MARCHF8: variants seen among roughly 807,000 people sequenced by gnomAD.
The protein encoded by MARCHF8 is E3 ubiquitin-protein ligase MARCHF8.
A neutral mutation model predicts 51.6 loss-of-function variants in MARCHF8; 40 were observed. The ratio of observed to expected loss-of-function variants is 0.77; its 90% CI spans 0.60 to 1.01. The LOEUF (loss-of-function observed/expected upper bound fraction) is 1.01, where lower values mean the gene tolerates loss of function less well. Ranked by LOEUF, MARCHF8 falls within the 50% of genes least tolerant of loss-of-function variation. The probability of loss-of-function intolerance (pLI) is 0.00; values close to 1 mark genes in which losing one functional copy is unlikely to be tolerated. For synonymous variants in MARCHF8, 263 were observed against 280.3 expected, an observed-to-expected ratio of 0.94 and a Z score of 0.62; for missense variants, 685 against 708.6, an observed-to-expected ratio of 0.97 and a Z score of 0.38.
At chr10:45,541,334 A>G (rs2044049443) in intron 1 of MARCHF8, among the ~76,000 whole-genome samples, 1 of 151,774 alleles carries the variant, frequency 6.6e-6, no homozygotes, top group African/African-American at 2.4e-5. Flanking sequence ...AAAACCAAAC[A>G]CCACATGTTC....
intron 1 of MARCHF8, among the ~76,000 whole-genome samples, chr10:45,575,066 C>T (rs1260208438): frequency 5.3e-5 from 8 of 152,050 alleles, no homozygotes; most frequent in African/African-American, 1.9e-4. Context: ...CTGAAGGAAG[C>T]TGGGGTCATT....
intron 1 of MARCHF8, among the ~76,000 whole-genome samples, chr10:45,557,151 G>A (rs2044261255): frequency 7.3e-6 from 1 of 136,258 alleles, no homozygotes; most frequent in Non-Finnish European, 1.6e-5. Context: ...TTTGAGACGG[G>A]AGTTTCGCTC....
rs748913191 is a variant in MARCHF8 at position 45,533,195 on chromosome 10, T to A, written c.17A>T (p.His6Leu). The A allele has an allele frequency of 6.2e-7, 1 of 1,611,186 alleles. No homozygotes were observed. Among genetic ancestry groups the A allele is most frequent in the South Asian group, 1.1e-5 (1 of 90,588 alleles). Residue 6 changes from histidine to leucine, a missense_variant, in exon 2 of 8, where the codon CAT (histidine) becomes CTT (leucine). By Grantham distance (99) the His-to-Leu change is moderately conservative. Coordinates refer to ENST00000453424, the MANE Select transcript of MARCHF8 (RefSeq NM_001282866.2). MSMPL[H>L]QISAIPSQDA... ...CTGGGATGGAATGGCAGAGATCTGA[T>A]GCAGTGGCATGCTCATCCCAACCTC...
At chr10:45,480,926 A>G (rs1301428310) in intron 3 of MARCHF8, among the ~76,000 whole-genome samples, 1 of 152,200 alleles carries the variant, frequency 6.6e-6, no homozygotes, top group Non-Finnish European at 1.5e-5. Context: ...AGCTTGCACC[A>G]TGCACCTGGA....
intron 7 of MARCHF8, 96 bp from the exon 8 acceptor site, chr10:45,458,639 T>C (rs1842688122): frequency 1.9e-5 from 25 of 1,282,558 alleles, no homozygotes; most frequent in Non-Finnish European, 2.6e-5. Flanking sequence ...TGATTCTTTG[T>C]TGTTGTTGTT....
chr10:45,466,598 C>G (rs1459749192), intron 3 of MARCHF8, among the ~76,000 whole-genome samples: 1 of 152,118 alleles, frequency 6.6e-6, no homozygotes, highest in Non-Finnish European at 1.5e-5. Context: ...GAGGAAAGTA[C>G]CTAGTCACCC....
At chr10:45,512,055 C>G (rs1011193131) in intron 2 of MARCHF8, among the ~76,000 whole-genome samples, 1 of 151,174 alleles carries the variant, frequency 6.6e-6, no homozygotes, top group African/African-American at 2.4e-5. Context: ...GCGTCTCTGC[C>G]CGGCCGCCCA....
chr10:45,480,876 G>A (rs1023623843), intron 3 of MARCHF8, among the ~76,000 whole-genome samples: 1 of 152,208 alleles, frequency 6.6e-6, no homozygotes, highest in African/African-American at 2.4e-5. Context: ...TGAGAAGAGG[G>A]CCACCATCCT....
chr10:45,558,021 G>A (rs964415353), intron 1 of MARCHF8, among the ~76,000 whole-genome samples: 28 of 152,310 alleles, frequency 1.8e-4, no homozygotes, highest in African/African-American at 6.0e-4. Context: ...TCAGTGACCA[G>A]TGATCACTGA....
chr10:45,537,048 C>A (rs1589160280), upstream of MARCHF8, among the ~76,000 whole-genome samples: 1 of 152,140 alleles, frequency 6.6e-6, no homozygotes, highest in East Asian at 1.9e-4. Flanking sequence ...TAGTGAGGAT[C>A]TATGCAGTCG....
chr10:45,584,272 C>T (rs552206351), intron 1 of MARCHF8, among the ~76,000 whole-genome samples: 153 of 150,708 alleles, frequency 1.0e-3, no homozygotes, highest in African/African-American at 3.5e-3. Context: ...AAACACCATA[C>T]AGTAGTTATT....
At chr10:45,531,252 G>GCTTCAGA in intron 2 of MARCHF8, among the ~76,000 whole-genome samples, 1 of 152,038 alleles carries the variant, frequency 6.6e-6, no homozygotes, top group African/African-American at 2.4e-5. Flanking sequence ...TAAACCCACT[G>GCTTCAGA]ATCCACAAGC....
At chr10:45,582,319 A>C (rs1277201106) in intron 1 of MARCHF8, among the ~76,000 whole-genome samples, 1 of 152,208 alleles carries the variant, frequency 6.6e-6, no homozygotes, top group African/African-American at 2.4e-5. Flanking sequence ...AACTACAGCT[A>C]TTAGTTTTGA....
chr10:45,575,187 G>A (rs2044475727), intron 1 of MARCHF8, among the ~76,000 whole-genome samples: 1 of 152,102 alleles, frequency 6.6e-6, no homozygotes, highest in Non-Finnish European at 1.5e-5. Flanking sequence ...CATCGCCCAG[G>A]ACAATGCTTA....
chr10:45,547,544 T>C (rs971147037), intron 1 of MARCHF8, among the ~76,000 whole-genome samples: 1 of 152,176 alleles, frequency 6.6e-6, no homozygotes, highest in Non-Finnish European at 1.5e-5. Flanking sequence ...TGGATAAAAA[T>C]GCACAACTTA....
At chr10:45,501,785 C>A (rs928696791) in intron 2 of MARCHF8, among the ~76,000 whole-genome samples, 1 of 152,052 alleles carries the variant, frequency 6.6e-6, no homozygotes, top group African/African-American at 2.4e-5. Flanking sequence ...AATTCTTAGA[C>A]CTGAACATTT....
chr10:45,540,892 T>C (rs562874054), intron 1 of MARCHF8, among the ~76,000 whole-genome samples: 2 of 152,294 alleles, frequency 1.3e-5, no homozygotes, highest in South Asian at 2.1e-4. Flanking sequence ...CCAGTTACAA[T>C]GGCGATCATT....
chr10:45,585,132 T>C (rs1247974648), intron 1 of MARCHF8, among the ~76,000 whole-genome samples: 2 of 152,224 alleles, frequency 1.3e-5, no homozygotes, highest in Non-Finnish European at 2.9e-5. Flanking sequence ...TGTGTTGTTT[T>C]AAGCCTCTAA....
chr10:45,470,478 C>CTT (rs1843137013), intron 3 of MARCHF8, among the ~76,000 whole-genome samples: 1 of 152,162 alleles, frequency 6.6e-6, no homozygotes, highest in African/African-American at 2.4e-5. Context: ...TTTTTAAGCA[C>CTT]TTGTGGGATT....
Sources: allele counts gnomAD v4.1 joint callset (sites outside exome capture counted in the v4.1 genomes callset), GRCh38; gene constraint gnomAD v4.1.1; transcripts MANE v1.5; gene names NCBI Gene and HGNC (gene_info 2026-07-23, HGNC 2026-07-21).